Variants in RANBP10 observed in about 807,000 individuals in gnomAD.
RANBP10 encodes the protein RAN binding protein 10.
RANBP10 carries 24 observed loss-of-function variants against 72.8 expected under a neutral mutation model. The ratio of observed to expected loss-of-function variants is 0.33; its 90% CI spans 0.24 to 0.46. The LOEUF (loss-of-function observed/expected upper bound fraction) is 0.46, where lower values mean the gene tolerates loss of function less well. Among genes scored for constraint, RANBP10 ranks in the 20% least tolerant of loss-of-function variants. The pLI, the probability that RANBP10 is intolerant of heterozygous loss-of-function variation, is 1.00. For synonymous variants in RANBP10, 310 were observed against 322.3 expected, an observed-to-expected ratio of 0.96 and a Z score of 0.41; for missense variants, 679 against 817.5, an observed-to-expected ratio of 0.83 and a Z score of 2.07.
intron 3 of RANBP10, among the ~76,000 whole-genome samples, chr16:67,771,597 G>A (rs748675114): frequency 2.3e-4 from 35 of 152,036 alleles, no homozygotes; most frequent in Non-Finnish European, 4.3e-4. Flanking sequence ...CATCCACCTC[G>A]GCCTCCCAAA....
intron 3 of RANBP10, among the ~76,000 whole-genome samples, chr16:67,766,142 G>C (rs1311650716): frequency 6.6e-6 from 1 of 152,142 alleles, no homozygotes; most frequent in Non-Finnish European, 1.5e-5. Flanking sequence ...AGAGCCTCTT[G>C]GAAATCAGCA....
chr16:67,741,137 A>G (rs1307062039), intron 4 of RANBP10, among the ~76,000 whole-genome samples: 1 of 152,228 alleles, frequency 6.6e-6, no homozygotes, highest in African/African-American at 2.4e-5. Context: ...CTTCAAGGAA[A>G]AAGGGAGAAA....
At chr16:67,778,996 G>T (rs1183109257) in intron 2 of RANBP10, among the ~76,000 whole-genome samples, 1 of 152,190 alleles carries the variant, frequency 6.6e-6, no homozygotes, top group Admixed American at 6.5e-5. Context: ...GAGAGGCTGA[G>T]ATGGGAGCAC....
intron 2 of RANBP10, among the ~76,000 whole-genome samples, chr16:67,795,798 T>C (rs1479965458): frequency 6.6e-6 from 1 of 150,638 alleles, no homozygotes; most frequent in Non-Finnish European, 1.5e-5. Context: ...GAGCTTGCAG[T>C]GAGCTGAGAT....
At chr16:67,794,177 C>T (rs1345904225) in intron 2 of RANBP10, among the ~76,000 whole-genome samples, 1 of 152,182 alleles carries the variant, frequency 6.6e-6, no homozygotes, top group Non-Finnish European at 1.5e-5. Flanking sequence ...GTGGCTCAAG[C>T]CTGTAATCCC....
chr16:67,785,825 G>C (rs896463451), intron 2 of RANBP10, among the ~76,000 whole-genome samples: 4 of 150,670 alleles, frequency 2.7e-5, no homozygotes, highest in African/African-American at 9.8e-5. Context: ...AGGAGATCGA[G>C]ACCATCCTGG....
At position 67,771,910 on chromosome 16, in the gene RANBP10, T is replaced by C. The variant is rs180900632; in HGVS notation, c.400+124A>G. ...CTACCTTTCAGGATCCTCCAACCAG[T>C]AGCATGGCTTGAGGTAGGCAGCTAG... On this transcript the variant is annotated intron_variant, in intron 3 of 13. Transcript: ENST00000317506. The C allele has an allele frequency of 3.0e-4, 331 of 1,105,832 alleles. 1 individual carries two copies. The East Asian group carries it at 5.7e-3, about 19-fold the overall frequency. The allele number at this position is 1,105,832 out of a possible 1,614,324, so 68.5% of individuals were successfully genotyped here.
At chr16:67,746,408 G>A (rs940704635) in intron 3 of RANBP10, among the ~76,000 whole-genome samples, 1 of 152,016 alleles carries the variant, frequency 6.6e-6, no homozygotes, top group African/African-American at 2.4e-5. Context: ...ATGAACCTGG[G>A]AGGCAGAGCT....
At chr16:67,727,922 G>A (rs73591936) in intron 11 of RANBP10, 26 bp from the exon 12 acceptor site, 110,293 of 1,611,874 alleles carry the variant, frequency 0.068, 7,818 homozygotes, top group African/African-American at 0.36. Context: ...AGTGGAGAAC[G>A]TGTTAGGAGG....
intron 2 of RANBP10, among the ~76,000 whole-genome samples, chr16:67,780,499 G>C (rs889412464): frequency 6.6e-6 from 1 of 152,152 alleles, no homozygotes; most frequent in Non-Finnish European, 1.5e-5. Flanking sequence ...TATAATCCCA[G>C]CTACTTGGGA....
chr16:67,792,678 G>A (rs1477153256), intron 2 of RANBP10, among the ~76,000 whole-genome samples: 1 of 151,764 alleles, frequency 6.6e-6, no homozygotes. Flanking sequence ...AGCTACTCAG[G>A]AGGCTGAGAC....
chr16:67,764,361 A>G (rs997454989), intron 3 of RANBP10, among the ~76,000 whole-genome samples: 1 of 152,228 alleles, frequency 6.6e-6, no homozygotes, highest in African/African-American at 2.4e-5. Context: ...GCTGACTCAG[A>G]TAAGGGCCGC....
intron 5 of RANBP10, among the ~76,000 whole-genome samples, chr16:67,735,373 G>A (rs751012750): frequency 3.4e-4 from 52 of 152,314 alleles, no homozygotes; most frequent in Non-Finnish European, 5.1e-4. Context: ...CGACCCTTCA[G>A]ACGTGCCCAT....
At chr16:67,790,372 C>T (rs549379957) in intron 2 of RANBP10, among the ~76,000 whole-genome samples, 6 of 151,878 alleles carry the variant, frequency 4.0e-5, no homozygotes, top group East Asian at 1.9e-4. Flanking sequence ...TAGAAATAGA[C>T]AGTGATATGG....
At chr16:67,794,203 C>T (rs1360413412) in intron 2 of RANBP10, among the ~76,000 whole-genome samples, 2 of 152,014 alleles carry the variant, frequency 1.3e-5, no homozygotes, top group African/African-American at 2.4e-5. Flanking sequence ...TTTGAGGGGC[C>T]GAGGCGGGCA....
intron 3 of RANBP10, among the ~76,000 whole-genome samples, chr16:67,763,760 T>C (rs2054444595): frequency 6.6e-6 from 1 of 152,188 alleles, no homozygotes; most frequent in African/African-American, 2.4e-5. Context: ...AGTGGCTCCA[T>C]CTTGGCTCAC....
intron 2 of RANBP10, among the ~76,000 whole-genome samples, chr16:67,787,672 A>G (rs1406377842): frequency 2.0e-5 from 3 of 152,172 alleles, no homozygotes; most frequent in Admixed American, 6.5e-5. Flanking sequence ...TGATGTATAT[A>G]TAAGTACAAC....
chr16:67,796,101 A>G (rs1301650319), intron 2 of RANBP10, among the ~76,000 whole-genome samples: 1 of 151,812 alleles, frequency 6.6e-6, no homozygotes, highest in Non-Finnish European at 1.5e-5. Context: ...TACTTTTAGT[A>G]GAGACAGGGT....
At chr16:67,763,540 ACTCCTGCTGAGGG>A (rs1384982864) in intron 3 of RANBP10, 2 of 151,764 alleles carry the variant, frequency 1.3e-5, no homozygotes, top group Non-Finnish European at 2.9e-5. Flanking sequence ...TGGCTTGAAT[ACTCCTGCTGAGGG>A]CACCAGCTGC....
Sources: allele counts gnomAD v4.1 joint callset (sites outside exome capture counted in the v4.1 genomes callset), GRCh38; gene constraint gnomAD v4.1.1; transcripts MANE v1.5; gene names NCBI Gene and HGNC (gene_info 2026-07-23, HGNC 2026-07-21).